Variants in NPHP3 observed in about 807,000 individuals in gnomAD.
NPHP3 encodes nephrocystin-3.
In NPHP3, 123 loss-of-function variants were observed where a neutral mutation model predicts 171.9. The ratio of observed to expected loss-of-function variants is 0.72; its 90% CI spans 0.62 to 0.83. The LOEUF is 0.83. NPHP3 is among the 40% of genes least tolerant of loss of function. NPHP3 has a pLI of 0.00. For missense variants in NPHP3, 1,506 were observed against 1,591.9 expected, an observed-to-expected ratio of 0.95 and a Z score of 0.92; for synonymous variants, 558 against 579.2, an observed-to-expected ratio of 0.96 and a Z score of 0.52.
chr3:132,699,905 T>C lies in NPHP3; in HGVS notation c.1887+13A>G. 1 of 1,613,932 alleles carries C rather than the reference T, an allele frequency of 6.2e-7. No homozygotes were observed. Among genetic ancestry groups the C allele is most frequent in the Non-Finnish European group, 8.5e-7 (1 of 1,179,846 alleles). ...TCTGAGCATATCAATAGGTAACAAA[T>C]GGAAAACGGTACCTGAACTTGATCT... On this transcript the variant is annotated intron_variant, in intron 12 of 26. Coordinates refer to ENST00000337331, the MANE Select transcript of NPHP3 (RefSeq NM_153240.5).
At position 132,692,836 on chromosome 3, in the gene NPHP3, T is replaced by C; in HGVS notation, c.2311-18A>G. The C allele has an allele frequency of 6.2e-7, 1 of 1,610,744 alleles. No individual in the cohort carries two copies. Among genetic ancestry groups the C allele is most frequent in the Non-Finnish European group, 8.5e-7 (1 of 1,177,122 alleles). ...CAGAGGATCTAGGTAGAAAAACAAA[T>C]TAACAGTAATCATAAAGCACCTGTA... On this transcript the variant is annotated intron_variant, in intron 16 of 26. Transcript: ENST00000337331.
intron 15 of NPHP3, among the ~76,000 whole-genome samples, chr3:132,696,491 A>T (rs1324562882): frequency 2.6e-5 from 4 of 152,202 alleles, no homozygotes; most frequent in Non-Finnish European, 4.4e-5. Flanking sequence ...TTTCTTTTGC[A>T]ACCTCCAATA....
intron 23 of NPHP3, chr3:132,685,131 G>T: frequency 3.5e-6 from 1 of 287,556 alleles, no homozygotes; most frequent in Non-Finnish European, 6.8e-6. Flanking sequence ...TCCTCCCTTT[G>T]GAGTTAGTAC....
At chr3:132,682,463 T>C in intron 26 of NPHP3, 1 of 569,318 alleles carries the variant, frequency 1.8e-6, no homozygotes, top group Non-Finnish European at 3.1e-6. Flanking sequence ...GAGCCAGATG[T>C]AGTATAAACC....
rs776287337 is a variant in NPHP3, at chr3:132,700,423, G to A, written c.1654C>T (p.Pro552Ser). ...KWIQLQQKNS[P>S]NTLILSHFVG... ...AAATGGGAAAGAATCAGTGTGTTGGGGGAATTCTTCTGTTGTAATTGAATC... is the reference window on the plus strand; with the variant it reads ...AAATGGGAAAGAATCAGTGTGTTGGAGGAATTCTTCTGTTGTAATTGAATC... Residue 552 changes from proline to serine, a missense_variant, in exon 11 of 27, where the codon CCC becomes TCC. By Grantham distance (74) the Pro-to-Ser change is moderately conservative. Coordinates refer to ENST00000337331, the MANE Select transcript of NPHP3 (RefSeq NM_153240.5). 13 of 1,611,288 alleles carry A rather than the reference G, an allele frequency of 8.1e-6. No homozygotes were observed. Among genetic ancestry groups the A allele is most frequent in the Non-Finnish European group, 8.5e-6 (10 of 1,178,342 alleles).
chr3:132,690,499 G>A (rs1939272100), intron 19 of NPHP3, 29 bp downstream of exon 19: 2 of 1,595,618 alleles, frequency 1.3e-6, no homozygotes, highest in East Asian at 2.2e-5. Flanking sequence ...CTCTCTTTCT[G>A]GGGAAAGATG....
At chr3:132,716,169 A>C (rs1239772250) in intron 4 of NPHP3, among the ~76,000 whole-genome samples, 2 of 152,236 alleles carry the variant, frequency 1.3e-5, no homozygotes, top group African/African-American at 2.4e-5. Flanking sequence ...AAAAGATTGG[A>C]TACCCCTGCT....
In NPHP3 at chr3:132,683,532, A is replaced by G. The variant is rs1939083649; in HGVS notation, c.3571-8T>C. ...AGCTTTGTCAAGTTTCCCCTAAAAAACAAGAGTTAAATCTAACAAAAATAT... is the reference window on the plus strand; with the variant it reads ...AGCTTTGTCAAGTTTCCCCTAAAAAGCAAGAGTTAAATCTAACAAAAATAT... On this transcript the variant is annotated splice_region_variant and splice_polypyrimidine_tract_variant and intron_variant, in intron 24 of 26. Coordinates refer to ENST00000337331, the MANE Select transcript of NPHP3 (RefSeq NM_153240.5). 2 of 1,610,098 alleles carry G rather than the reference A, an allele frequency of 1.2e-6. No individual in the cohort carries two copies. Among genetic ancestry groups the G allele is most frequent in the African/African-American group, 1.3e-5 (1 of 74,816 alleles).
intron 10 of NPHP3, among the ~76,000 whole-genome samples, 159 bp from the exon 11 acceptor site, chr3:132,700,607 C>A (rs1939583020): frequency 6.6e-6 from 1 of 152,180 alleles, no homozygotes; most frequent in South Asian, 2.1e-4. Flanking sequence ...TTTTACTCCA[C>A]TTTTAGATCC....
rs192366795 is a variant in NPHP3, at chr3:132,702,769, G to C, written c.1525-1236C>G. Among the ~76,000 whole-genome samples, 210 of 152,158 alleles carry C rather than the reference G, an allele frequency of 1.4e-3. 1 individual carries two copies. The highest frequency in any genetic ancestry group is 4.9e-3 in the African/African-American group (203 of 41,514). ...TATCTCTAAAGAATATATTCCCCAG[G>C]AACTCAAATAATTCAAATAGAAATG... is the stretch of plus-strand genomic sequence containing the variant. On this transcript the variant is annotated intron_variant, in intron 9 of 26. Coordinates refer to ENST00000337331, the MANE Select transcript of NPHP3 (RefSeq NM_153240.5).
rs1939581528 is a variant in NPHP3 at position 132,700,549 on chromosome 3, G to T, written c.1629-101C>A. The T allele has an allele frequency of 6.2e-6, 4 of 649,246 alleles. No homozygotes were observed. In the South Asian group the frequency reaches 7.8e-5, roughly 13 times the overall value. 40.2% of individuals were successfully genotyped at this position (649,246 alleles called of 1,614,324 possible). A position where few individuals can be genotyped will look rare whatever the true frequency, so the allele number is the denominator to read the frequency against. ...AGTAAACATCAAATGTTGCCTAACT[G>T]AGCAATCAGGTGGTCAGTTACTTTT... On this transcript the variant is annotated intron_variant, in intron 10 of 26. Transcript: ENST00000337331.
intron 1 of NPHP3, among the ~76,000 whole-genome samples, chr3:132,721,176 G>C (rs1195737189): frequency 6.6e-6 from 1 of 151,920 alleles, no homozygotes; most frequent in Non-Finnish European, 1.5e-5. Context: ...CCTAGGCCTC[G>C]AAAAGTGTTG....
At chr3:132,695,744 G>T (rs1425240593) in intron 15 of NPHP3, among the ~76,000 whole-genome samples, 2 of 152,118 alleles carry the variant, frequency 1.3e-5, no homozygotes, top group African/African-American at 4.8e-5. Flanking sequence ...GACCAGCCTG[G>T]CAATCATGGC....
chr3:132,690,087 C>A (rs571830533), intron 19 of NPHP3, among the ~76,000 whole-genome samples: 10 of 152,080 alleles, frequency 6.6e-5, no homozygotes, highest in Admixed American at 3.9e-4. Flanking sequence ...TAGGGTAATT[C>A]TTTCTTTAAA....
At position 132,722,078 on chromosome 3, in the gene NPHP3, C is replaced by T. The variant is rs750916115; in HGVS notation, c.278G>A (p.Arg93Gln). 2.5e-6 allele frequency: 4 copies of T among 1,611,380 alleles called. No individual in the cohort carries two copies. The highest frequency in any genetic ancestry group is 1.6e-4 in the Middle Eastern group (1 of 6,084). ...ELEYAAAEYERLRKEYEIFRV... is the reference protein window; with the variant it reads ...ELEYAAAEYEQLRKEYEIFRV... ...AAAGATCTCGTACTCCTTCCTGAGC[C>T]GCTCGTACTCGGCCGCCGCGTACTC... Residue 93 changes from arginine to glutamine, a missense_variant, in exon 1 of 27, where the codon CGG (arginine) becomes CAG (glutamine). Coordinates refer to ENST00000337331, the MANE Select transcript of NPHP3 (RefSeq NM_153240.5).
At chr3:132,707,319 C>G (rs1300722391) in intron 7 of NPHP3, among the ~76,000 whole-genome samples, 2 of 151,994 alleles carry the variant, frequency 1.3e-5, no homozygotes, top group African/African-American at 4.8e-5. Flanking sequence ...AACAAAGTAG[C>G]CAGGCATGGT....
Position 132,691,225 on chromosome 3 carries a change from T to C in NPHP3, c.2537A>G (p.Gln846Arg). ...EGPTVTSSYR[Q>R]KLINYFTLQL... ...CAAGGTGAAATAGTTGATTAGCTTT[T>C]GCCTGTATGAAGAAGTAACAGTGGG... The change falls in exon 18 of 27, where the codon CAA becomes CGA. Residue 846 changes from glutamine to arginine, a missense_variant. By Grantham distance (43) the Gln-to-Arg change is conservative. Transcript: ENST00000337331. 1 of 1,613,458 alleles carries C rather than the reference T, an allele frequency of 6.2e-7. No individual in the cohort carries two copies. Among genetic ancestry groups the C allele is most frequent in the Non-Finnish European group, 8.5e-7 (1 of 1,179,498 alleles).
At chr3:132,685,101 A>T (rs144313535) in intron 23 of NPHP3, 1 of 310,112 alleles carries the variant, frequency 3.2e-6, no homozygotes, top group African/African-American at 2.1e-5. Context: ...GGTCCAATAA[A>T]AGATTTTTGT....
At chr3:132,692,875 GC>G in intron 16 of NPHP3, 57 bp from the exon 17 acceptor site, 1 of 1,403,478 alleles carries the variant, frequency 7.1e-7, no homozygotes, top group Non-Finnish European at 1.0e-6. Flanking sequence ...GTAACTAACG[GC>G]CATTAAAAGT....
Sources: allele counts gnomAD v4.1 joint callset (sites outside exome capture counted in the v4.1 genomes callset), GRCh38; gene constraint gnomAD v4.1.1; transcripts MANE v1.5; gene names NCBI Gene and HGNC (gene_info 2026-07-23, HGNC 2026-07-21).